The following MPPE1 variants were observed in gnomAD, a reference collection of about 807,000 sequenced individuals.
The protein encoded by MPPE1 is metallophosphoesterase 1.
Under a neutral mutation model 43.8 loss-of-function variants are expected in MPPE1, and 28 were observed. The observed-to-expected ratio is 0.64, with a 90% CI of 0.47 to 0.88. The LOEUF (loss-of-function observed/expected upper bound fraction) is 0.88, where lower values mean the gene tolerates loss of function less well. Among genes scored for constraint, MPPE1 ranks in the 40% least tolerant of loss-of-function variants. The probability of loss-of-function intolerance (pLI) is 0.00; values close to 1 mark genes in which losing one functional copy is unlikely to be tolerated. For missense variants in MPPE1, 428 were observed against 492.2 expected (o/e 0.87, Z 1.23); for synonymous variants, 159 against 188.5 (o/e 0.84, Z 1.28).
chr18:11,903,886 T>C (rs1442565220), intron 2 of MPPE1, among the ~76,000 whole-genome samples: 1 of 152,230 alleles, frequency 6.6e-6, no homozygotes, highest in Non-Finnish European at 1.5e-5. Flanking sequence ...CTTCCAAATG[T>C]ACTTTTCTTT....
At chr18:11,892,530 G>A (rs1475381750) in intron 4 of MPPE1, among the ~76,000 whole-genome samples, 3 of 151,850 alleles carry the variant, frequency 2.0e-5, no homozygotes, top group African/African-American at 4.8e-5. Flanking sequence ...TTAGCCGGGC[G>A]TGGTGACACA....
Position 11,886,363 on chromosome 18 carries a change from C to T in MPPE1, c.867+136G>A. On this transcript the variant is annotated intron_variant, in intron 9 of 10. Coordinates refer to ENST00000588072, the MANE Select transcript of MPPE1 (RefSeq NM_023075.6). This position sits in a 1 kb window ranked among gnomAD's most constrained non-coding sequence, Gnocchi z 4.1. ...TACTGTGAAAGCCAGGCCTCCACCCCTGTCCCCCCAGGTGATAACTAAGTC... is the reference window on the plus strand; with the variant it reads ...TACTGTGAAAGCCAGGCCTCCACCCTTGTCCCCCCAGGTGATAACTAAGTC... 1 of 1,254,084 alleles carries T rather than the reference C, an allele frequency of 8.0e-7. No homozygotes were observed. The highest frequency in any genetic ancestry group is 1.1e-6 in the Non-Finnish European group (1 of 878,564). 77.7% of individuals were successfully genotyped at this position (1,254,084 alleles called of 1,614,324 possible). A position where few individuals can be genotyped will look rare whatever the true frequency, so the allele number is the denominator to read the frequency against.
chr18:11,904,090 AT>A (rs2039459904), intron 2 of MPPE1, among the ~76,000 whole-genome samples: 1 of 152,172 alleles, frequency 6.6e-6, no homozygotes, highest in Non-Finnish European at 1.5e-5. Context: ...TTTTCCAAAA[AT>A]GAATTTAAAA....
At chr18:11,890,232 A>G (rs528296685) in intron 4 of MPPE1, among the ~76,000 whole-genome samples, 22 of 152,218 alleles carry the variant, frequency 1.4e-4, no homozygotes, top group East Asian at 3.9e-4. Context: ...GTGAGCCACC[A>G]CACTTGGCCA....
rs761296435 is a variant in MPPE1, at chr18:11,884,509, AAGTG to A, written c.1123_1126del (p.His375LeufsTer4). On this transcript the variant is annotated frameshift_variant, in exon 11 of 11. Transcript: ENST00000588072. LOFTEE classifies it low-confidence loss of function (END_TRUNC). Reference sequence around the variant, plus strand: ...AAGAAAAGGTGAGGCTAGAAGCCCAAAGTGAGTGAGTGTGAGGACCACAAGGAAG... The same window carrying A: ...AAGAAAAGGTGAGGCTAGAAGCCCAAAGTGAGTGTGAGGACCACAAGGAAG... 6 of 1,614,054 alleles carry A rather than the reference AAGTG, an allele frequency of 3.7e-6. 1 individual carries two copies. The South Asian group carries it at 4.4e-5, about 12-fold the overall frequency.
chr18:11,895,150 A>G (rs1298794702), intron 3 of MPPE1: 3 of 152,200 alleles, frequency 2.0e-5, no homozygotes, highest in African/African-American at 7.2e-5. Flanking sequence ...GGATATATAA[A>G]TAGGGGAAAG....
intron 4 of MPPE1, among the ~76,000 whole-genome samples, chr18:11,890,098 A>G (rs886659615): frequency 1.1e-4 from 16 of 150,952 alleles, no homozygotes; most frequent in African/African-American, 3.9e-4. Flanking sequence ...GCCCGCCACC[A>G]CGCCCGACTA....
intron 4 of MPPE1, among the ~76,000 whole-genome samples, chr18:11,890,423 C>G (rs954492006): frequency 1.3e-5 from 2 of 152,084 alleles, no homozygotes; most frequent in Non-Finnish European, 2.9e-5. Context: ...GATTCTTATG[C>G]CTCAGTCACC....
At chr18:11,893,414 T>C (rs1598531146) in intron 4 of MPPE1, 54 bp downstream of exon 4, 1 of 1,242,790 alleles carries the variant, frequency 8.0e-7, no homozygotes, top group Non-Finnish European at 1.2e-6. Context: ...TTCTCTGGGA[T>C]ACTTGTGCTG....
intron 2 of MPPE1, among the ~76,000 whole-genome samples, chr18:11,900,756 A>C (rs930850468): frequency 3.3e-5 from 5 of 151,750 alleles, no homozygotes; most frequent in Admixed American, 6.6e-5. Context: ...AAATACAAAA[A>C]ATTAGCCAGG....
At chr18:11,885,625 TGA>T (rs1427015218) in intron 10 of MPPE1, 49 bp downstream of exon 10, 1 of 1,580,368 alleles carries the variant, frequency 6.3e-7, no homozygotes, top group African/African-American at 1.4e-5. Flanking sequence ...ATTACTGTGT[TGA>T]TTTAAATACT....
intron 2 of MPPE1, among the ~76,000 whole-genome samples, chr18:11,901,510 C>T (rs1365782514): frequency 6.6e-6 from 1 of 151,322 alleles, no homozygotes; most frequent in Non-Finnish European, 1.5e-5. Context: ...GGATTACAGG[C>T]GTGAGCCACT....
In MPPE1 at chr18:11,884,118, A is replaced by G. The variant is rs755097563; in HGVS notation, c.*327T>C. 4.0e-6 allele frequency: 1 copy of G among 248,866 alleles called. No homozygotes were observed. Among genetic ancestry groups the G allele is most frequent in the Non-Finnish European group, 7.9e-6 (1 of 126,240 alleles). The allele number at this position is 248,866 out of a possible 1,614,324, so 15.4% of individuals were successfully genotyped here. On this transcript the variant is annotated 3_prime_UTR_variant, in exon 11 of 11. Coordinates refer to ENST00000588072, the MANE Select transcript of MPPE1 (RefSeq NM_023075.6). Reference sequence around the variant, plus strand: ...ATCCCAAGTGTGTGCTGGGGCCACCAGGCCCTTCCTGGGGGAACAAGGACT... The same window carrying G: ...ATCCCAAGTGTGTGCTGGGGCCACCGGGCCCTTCCTGGGGGAACAAGGACT...
chr18:11,900,016 A>G (rs984286548), intron 2 of MPPE1, among the ~76,000 whole-genome samples: 1 of 152,138 alleles, frequency 6.6e-6, no homozygotes, highest in Non-Finnish European at 1.5e-5. Flanking sequence ...GTTCGAGACC[A>G]GCCTGGCCCA....
At chr18:11,887,454 A>T (rs2037460744) in intron 6 of MPPE1, among the ~76,000 whole-genome samples, 1 of 152,318 alleles carries the variant, frequency 6.6e-6, no homozygotes, top group Non-Finnish European at 1.5e-5. Flanking sequence ...GAAAGTACTC[A>T]GTACGTGTCA....
Position 11,884,234 on chromosome 18 carries a change from C to T in MPPE1, c.*211G>A, listed in dbSNP as rs2036844550. The T allele has an allele frequency of 1.9e-6, 1 of 538,574 alleles. No individual in the cohort carries two copies. Among genetic ancestry groups the T allele is most frequent in the Admixed American group, 3.2e-5 (1 of 31,610 alleles). The allele number at this position is 538,574 out of a possible 1,614,324, so 33.4% of individuals were successfully genotyped here. ...CATATATTTGATAAAAATGAGAAAA[C>T]AGATTTGTTGTAGAGTACCTGTCCA... On this transcript the variant is annotated 3_prime_UTR_variant, in exon 11 of 11. Transcript: ENST00000588072.
chr18:11,895,135 T>A (rs1389781005), intron 3 of MPPE1: 1 of 152,204 alleles, frequency 6.6e-6, no homozygotes, highest in Non-Finnish European at 1.5e-5. Flanking sequence ...AAATGCTATG[T>A]CCTGGGATAT....
chr18:11,885,554 A>G (rs647651), intron 10 of MPPE1, 122 bp downstream of exon 10: 138,537 of 1,205,318 alleles, frequency 0.11, 13,708 homozygotes, highest in African/African-American at 0.45. Context: ...TACGTGTAGA[A>G]GGAGAGAAAT....
chr18:11,907,760 A>C (rs894612), intron 1 of MPPE1: 68,053 of 148,656 alleles, frequency 0.46, 16,833 homozygotes, highest in African/African-American at 0.66. Context: ...CCATCCTCCC[A>C]CTTCAGCGTC....
Sources: gnomAD v4.1 joint callset for allele counts (sites outside exome capture counted in the v4.1 genomes callset) on GRCh38, gnomAD v4.1.1 for gene constraint, Gnocchi (gnomAD v3.1) non-coding constraint, MANE v1.5 for transcripts, NCBI Gene and HGNC (gene_info 2026-07-23, HGNC 2026-07-21) for gene names.